The following PHF21B variants were observed in gnomAD, a reference collection of about 807,000 sequenced individuals.
The protein encoded by PHF21B is PHD finger protein 21B, also known as PHD finger protein 4.
In PHF21B, 22 loss-of-function variants were observed where a neutral mutation model predicts 62.2. The ratio of observed to expected loss-of-function variants is 0.35; its 90% confidence interval spans 0.25 to 0.51. PHF21B has a LOEUF of 0.51. Among genes scored for constraint, PHF21B ranks in the 20% least tolerant of loss-of-function variants. The pLI is 0.97. For synonymous variants in PHF21B, 341 were observed against 314.7 expected, an observed-to-expected ratio of 1.08 and a Z score of -0.88; for missense variants, 701 against 707.9, an observed-to-expected ratio of 0.99 and a Z score of 0.11.
At chr22:44,936,318 G>T (rs1241768259) in intron 2 of PHF21B, among the ~76,000 whole-genome samples, 1 of 152,228 alleles carries the variant, frequency 6.6e-6, no homozygotes, top group African/African-American at 2.4e-5. Flanking sequence ...TCTGAAGGCG[G>T]CTCCTTGTAG....
At chr22:44,912,199 G>A (rs2071355496) in intron 5 of PHF21B, among the ~76,000 whole-genome samples, 1 of 152,316 alleles carries the variant, frequency 6.6e-6, no homozygotes, top group Admixed American at 6.5e-5. Context: ...CAGGCTCATA[G>A]GTGGAAGGGA....
intron 2 of PHF21B, among the ~76,000 whole-genome samples, chr22:44,972,315 T>G (rs2072653965): frequency 6.6e-6 from 1 of 152,202 alleles, no homozygotes; most frequent in Non-Finnish European, 1.5e-5. Flanking sequence ...TTGACTTTGG[T>G]AAAATGTATC....
At chr22:44,989,228 C>T (rs1384314165) in intron 2 of PHF21B, 1 of 152,246 alleles carries the variant, frequency 6.6e-6, no homozygotes, top group Non-Finnish European at 1.5e-5. Flanking sequence ...CATGGATGTT[C>T]CTCAAACCCC....
intron 10 of PHF21B, 129 bp from the exon 11 acceptor site, chr22:44,886,067 G>T (rs1242155820): frequency 3.9e-6 from 3 of 774,612 alleles, no homozygotes; most frequent in Non-Finnish European, 6.3e-6. Flanking sequence ...CCGTGACCAG[G>T]AGCTGGGGCC....
chr22:44,946,416 G>A (rs562610084), intron 2 of PHF21B, among the ~76,000 whole-genome samples: 1 of 152,292 alleles, frequency 6.6e-6, no homozygotes, highest in East Asian at 1.9e-4. Flanking sequence ...AGTAGGTCAT[G>A]TCTCGAAGAG....
intron 2 of PHF21B, among the ~76,000 whole-genome samples, chr22:44,965,130 G>A (rs1286968918): frequency 6.6e-6 from 1 of 152,138 alleles, no homozygotes; most frequent in African/African-American, 2.4e-5. Flanking sequence ...CAACCGGCTT[G>A]AACAGCAGCC....
intron 4 of PHF21B, 43 bp downstream of exon 4, chr22:44,916,237 T>C (rs1237950475): frequency 1.3e-6 from 2 of 1,565,554 alleles, no homozygotes; most frequent in Admixed American, 1.8e-5. Flanking sequence ...GCCTCCTGTA[T>C]GCGGCCGCAC....
Position 45,009,615 on chromosome 22 carries a change from G to C in PHF21B, c.-66C>G. The stretch of plus-strand genomic sequence containing the variant: ...GGCTCCCGGGAAGTTGCGCGGCTCC[G>C]CGGGGGCCAGAGCGGGCGCGGGCGG... On this transcript the variant is annotated 5_prime_UTR_variant, in exon 1 of 13. Coordinates refer to ENST00000313237, the MANE Select transcript of PHF21B (RefSeq NM_138415.5). This position sits in a 1 kb window ranked among gnomAD's most constrained non-coding sequence, Gnocchi z 5.9. 1 of 1,473,570 alleles carries C rather than the reference G, an allele frequency of 6.8e-7. No homozygotes were observed. 91.3% of individuals were successfully genotyped at this position (1,473,570 alleles called of 1,614,324 possible). A position where few individuals can be genotyped will look rare whatever the true frequency, so the allele number is the denominator to read the frequency against.
intron 2 of PHF21B, among the ~76,000 whole-genome samples, chr22:44,995,821 G>A (rs543697248): frequency 0.018 from 1,361 of 77,514 alleles, 21 homozygotes; most frequent in African/African-American, 0.064. Context: ...ATCCCCCCAC[G>A]TGATTCGGGG....
chr22:44,994,683 G>A (rs1196632715), intron 2 of PHF21B, among the ~76,000 whole-genome samples: 1 of 152,194 alleles, frequency 6.6e-6, no homozygotes, highest in Non-Finnish European at 1.5e-5. Context: ...GCTGAGCCCA[G>A]CTGGACTGGG....
intron 2 of PHF21B, among the ~76,000 whole-genome samples, chr22:44,944,678 T>C (rs1387294141): frequency 1.3e-5 from 2 of 152,092 alleles, no homozygotes; most frequent in Non-Finnish European, 2.9e-5. Flanking sequence ...ATGTGGATGG[T>C]GGGGTCCTGG....
intron 12 of PHF21B, 106 bp from the exon 13 acceptor site, chr22:44,883,410 A>G (rs2147236931): frequency 9.3e-7 from 1 of 1,072,314 alleles, no homozygotes; most frequent in South Asian, 1.6e-5. Context: ...AAGGCCTACA[A>G]GAAACCAGGC....
At chr22:44,911,329 T>A (rs530783713) in intron 5 of PHF21B, among the ~76,000 whole-genome samples, 1,888 of 152,266 alleles carry the variant, frequency 0.012, 41 homozygotes, top group African/African-American at 0.043. Context: ...AGGAGTTACT[T>A]ATGTTAATCA....
At position 44,938,031 on chromosome 22, in the gene PHF21B, CTG is replaced by C. The variant is rs2071883855; in HGVS notation, c.121-17543_121-17542del. ...ACTCATCCAGCAGTACAATCAAAATCTGTGAATTTCAATGTATGCAAATTTTA... is the reference window on the plus strand; with the variant it reads ...ACTCATCCAGCAGTACAATCAAAATCTGAATTTCAATGTATGCAAATTTTA... On this transcript the variant is annotated intron_variant, in intron 2 of 12. Coordinates refer to ENST00000313237, the MANE Select transcript of PHF21B (RefSeq NM_138415.5). 2.0e-5 allele frequency among the ~76,000 whole-genome samples: 3 copies of C among 152,260 alleles called. No individual in the cohort carries two copies. The South Asian group carries it at 6.2e-4, about 32-fold the overall frequency.
chr22:44,993,282 A>G (rs542245139), intron 2 of PHF21B, among the ~76,000 whole-genome samples: 1 of 152,282 alleles, frequency 6.6e-6, no homozygotes, highest in Admixed American at 6.5e-5. Context: ...CCAGCTTCAG[A>G]TATAAGCCCT....
At chr22:44,895,484 G>T (rs1435043332) in intron 6 of PHF21B, among the ~76,000 whole-genome samples, 1 of 152,178 alleles carries the variant, frequency 6.6e-6, no homozygotes, top group African/African-American at 2.4e-5. Context: ...CATGAAGTCC[G>T]CAGGCTAGTA....
At chr22:44,969,559 G>A (rs866476183) in intron 2 of PHF21B, among the ~76,000 whole-genome samples, 29 of 152,190 alleles carry the variant, frequency 1.9e-4, no homozygotes, top group Middle Eastern at 3.4e-3. Context: ...CCAGCTACTC[G>A]GGAGGCTGAG....
intron 3 of PHF21B, among the ~76,000 whole-genome samples, chr22:44,919,466 A>C (rs1359058305): frequency 4.6e-5 from 7 of 152,214 alleles, no homozygotes; most frequent in Non-Finnish European, 2.9e-5. Context: ...AGGGAAACCA[A>C]AAGATTGGAA....
rs201459164 is a variant in PHF21B, at chr22:44,920,413, C to T, written c.198G>A (p.Ala66=). The change falls in exon 3 of 13, where the codon GCG becomes GCA. Residue 66 remains alanine (A), a synonymous_variant. Transcript: ENST00000313237. ...SSLQRLAGQG[A]AVLPQVRPKT... The stretch of plus-strand genomic sequence containing the variant: ...GGCTGCTTACCTGAGGTAGCACTGC[C>T]GCTCCTTGCCCGGCCAACCTCTGCA... 45 of 1,611,178 alleles carry T rather than the reference C, an allele frequency of 2.8e-5. No individual in the cohort carries two copies. The highest frequency in any genetic ancestry group is 9.3e-5 in the African/African-American group (7 of 74,996).
Sources: allele counts gnomAD v4.1 joint callset (sites outside exome capture counted in the v4.1 genomes callset), GRCh38; gene constraint gnomAD v4.1.1; non-coding constraint Gnocchi (gnomAD v3.1); transcripts MANE v1.5; gene names NCBI Gene and HGNC (gene_info 2026-07-23, HGNC 2026-07-21).